The following UBE2E2 variants were observed in gnomAD, a reference collection of about 807,000 sequenced individuals.
UBE2E2 encodes ubiquitin conjugating enzyme E2 E2, also known as ubiquitin-conjugating enzyme E2 E2.
Under a neutral mutation model 24.7 loss-of-function variants are expected in UBE2E2, and 6 were observed. That is an observed-to-expected ratio of 0.24 (90% CI 0.13 to 0.48). The LOEUF is 0.48. UBE2E2 is among the 20% of genes least tolerant of loss of function. The pLI is 0.99. For synonymous variants in UBE2E2, 104 were observed against 83.6 expected, an observed-to-expected ratio of 1.24 and a Z score of -1.33; for missense variants, 169 against 245.0, an observed-to-expected ratio of 0.69 and a Z score of 2.07.
At chr3:23,357,413 G>A (rs556640489) in intron 3 of UBE2E2, among the ~76,000 whole-genome samples, 1 of 152,132 alleles carries the variant, frequency 6.6e-6, no homozygotes, top group Non-Finnish European at 1.5e-5. Flanking sequence ...GTGTGTGTGA[G>A]TGTGTATATG....
chr3:23,334,862 A>C (rs1349125773), intron 3 of UBE2E2, among the ~76,000 whole-genome samples: 1 of 152,218 alleles, frequency 6.6e-6, no homozygotes. Flanking sequence ...AGCTATTGAT[A>C]TGTGAATTAT....
At chr3:23,475,720 T>G (rs1699118187) in intron 3 of UBE2E2, among the ~76,000 whole-genome samples, 2 of 152,084 alleles carry the variant, frequency 1.3e-5, no homozygotes, top group Admixed American at 6.5e-5. Flanking sequence ...CAGGTAGATC[T>G]GCACACCACT....
At chr3:23,553,838 C>G (rs1363512369) in intron 5 of UBE2E2, among the ~76,000 whole-genome samples, 1 of 151,868 alleles carries the variant, frequency 6.6e-6, no homozygotes, top group African/African-American at 2.4e-5. Flanking sequence ...ATAAATTTAA[C>G]CAAGGAGATA....
intron 3 of UBE2E2, among the ~76,000 whole-genome samples, chr3:23,479,464 G>T (rs1000803843): frequency 6.6e-6 from 1 of 152,146 alleles, no homozygotes; most frequent in Non-Finnish European, 1.5e-5. Flanking sequence ...AGCTCAGGGA[G>T]CCCCTAGGCC....
At chr3:23,256,575 T>C (rs1471692656) in intron 3 of UBE2E2, among the ~76,000 whole-genome samples, 2 of 152,184 alleles carry the variant, frequency 1.3e-5, no homozygotes, top group Non-Finnish European at 2.9e-5. Flanking sequence ...TGAAAGTGAT[T>C]TGTTGAGGTT....
At chr3:23,412,717 G>T (rs1168610511) in intron 3 of UBE2E2, among the ~76,000 whole-genome samples, 1 of 152,072 alleles carries the variant, frequency 6.6e-6, no homozygotes, top group South Asian at 2.1e-4. Flanking sequence ...ATACTTTAGT[G>T]CAGTGGTTCT....
intron 3 of UBE2E2, among the ~76,000 whole-genome samples, chr3:23,479,492 C>T (rs1010462396): frequency 2.6e-5 from 4 of 152,074 alleles, no homozygotes; most frequent in South Asian, 2.1e-4. Context: ...CCCAGAGGGC[C>T]GTAGCTCTTC....
In UBE2E2 at chr3:23,529,799, C is replaced by T. The variant is rs548915239; in HGVS notation, c.361-2755C>T. ...TAATATCACGAGATAGTCTCTGTTTCATTAACTTAGGCTAGTGTCTTTATT... is the reference window on the plus strand; with the variant it reads ...TAATATCACGAGATAGTCTCTGTTTTATTAACTTAGGCTAGTGTCTTTATT... On this transcript the variant is annotated intron_variant, in intron 4 of 5. Coordinates refer to ENST00000396703, the MANE Select transcript of UBE2E2 (RefSeq NM_152653.4). Among the ~76,000 whole-genome samples the T allele has an allele frequency of 2.6e-5, 4 of 152,348 alleles. No individual in the cohort carries two copies. In the South Asian group the frequency reaches 8.3e-4, roughly 32 times the overall value.
chr3:23,246,910 C>G (rs552545636), intron 3 of UBE2E2, among the ~76,000 whole-genome samples: 1 of 151,974 alleles, frequency 6.6e-6, no homozygotes, highest in African/African-American at 2.4e-5. Flanking sequence ...AAAATAGAGA[C>G]GGAGTCATGC....
intron 4 of UBE2E2, among the ~76,000 whole-genome samples, chr3:23,500,585 T>A (rs1421991988): frequency 6.6e-6 from 1 of 152,252 alleles, no homozygotes. Context: ...GGCCCTGACT[T>A]AACGTCACAA....
intron 3 of UBE2E2, among the ~76,000 whole-genome samples, chr3:23,242,287 A>T (rs1697279802): frequency 6.6e-6 from 1 of 152,012 alleles, no homozygotes; most frequent in South Asian, 2.1e-4. Context: ...TTCTCATACA[A>T]ATAAAGGTCT....
intron 4 of UBE2E2, among the ~76,000 whole-genome samples, chr3:23,524,865 G>GACACACAGAC (rs780602583): frequency 6.4e-4 from 94 of 147,530 alleles, no homozygotes; most frequent in African/African-American, 1.9e-3. Flanking sequence ...CAGACACACA[G>GACACACAGAC]ACACACACAC....
chr3:23,413,035 G>A (rs746191220), intron 3 of UBE2E2, among the ~76,000 whole-genome samples: 7 of 147,942 alleles, frequency 4.7e-5, no homozygotes, highest in South Asian at 2.2e-4. Flanking sequence ...ATCACACTCC[G>A]GGGACAGTTT....
Position 23,499,711 on chromosome 3 carries a change from T to G in UBE2E2, c.331T>G (p.Ser111Ala). ...GGVFFLDITF[S>A]PDYPFKPPKV... ...GGTGTTCTTTCTTGACATTACCTTT[T>G]CACCAGACTATCCGTTTAAACCCCC... is the stretch of plus-strand genomic sequence containing the variant. Residue 111 changes from serine to alanine, a missense_variant, in exon 4 of 6, where the codon TCA becomes GCA. Physicochemically the swap from Ser to Ala is moderately conservative, Grantham distance 99. This residue lies in a region of UBE2E2 where 105 missense variants were observed against 180.7 expected (regional missense o/e 0.58). Coordinates refer to ENST00000396703, the MANE Select transcript of UBE2E2 (RefSeq NM_152653.4). 1 of 1,613,942 alleles carries G rather than the reference T, an allele frequency of 6.2e-7. No individual in the cohort carries two copies. Among genetic ancestry groups the G allele is most frequent in the Non-Finnish European group, 8.5e-7 (1 of 1,179,904 alleles).
At chr3:23,462,502 C>G (rs1356007562) in intron 3 of UBE2E2, among the ~76,000 whole-genome samples, 2 of 152,026 alleles carry the variant, frequency 1.3e-5, no homozygotes, top group Admixed American at 1.3e-4. Context: ...CTTTGCTATT[C>G]ACGACGAACC....
intron 3 of UBE2E2, among the ~76,000 whole-genome samples, chr3:23,226,521 T>C (rs1301570940): frequency 6.6e-6 from 1 of 152,166 alleles, no homozygotes. Flanking sequence ...ATTACAGGTG[T>C]GAGCCACTGC....
chr3:23,352,305 A>G (rs1695778433), intron 3 of UBE2E2, among the ~76,000 whole-genome samples: 1 of 152,154 alleles, frequency 6.6e-6, no homozygotes, highest in Non-Finnish European at 1.5e-5. Context: ...TTGACACCCT[A>G]ACATCACAAT....
chr3:23,574,784 A>C (rs1696308698), intron 5 of UBE2E2, among the ~76,000 whole-genome samples: 1 of 152,160 alleles, frequency 6.6e-6, no homozygotes, highest in African/African-American at 2.4e-5. Context: ...TTCTGCCATT[A>C]CATTTTTATT....
intron 3 of UBE2E2, among the ~76,000 whole-genome samples, chr3:23,281,134 C>T (rs1478916716): frequency 6.6e-6 from 1 of 152,168 alleles, no homozygotes; most frequent in African/African-American, 2.4e-5. Context: ...AATTCTGTAA[C>T]ACTGGGGACT....
Sources: allele counts gnomAD v4.1 joint callset (sites outside exome capture counted in the v4.1 genomes callset), GRCh38; gene constraint gnomAD v4.1.1; regional missense constraint gnomAD v4.1.1; transcripts MANE v1.5; gene names NCBI Gene and HGNC (gene_info 2026-07-23, HGNC 2026-07-21).